RPL13: variants seen among roughly 807,000 people sequenced by gnomAD.
The protein encoded by RPL13 is large ribosomal subunit protein eL13.
Under a neutral mutation model 21.4 loss-of-function variants are expected in RPL13, and 1 was observed. The ratio of observed to expected loss-of-function variants is 0.05; its 90% CI spans 0.02 to 0.22. The LOEUF is 0.22. RPL13 is among the 10% of genes least tolerant of loss of function. RPL13 has a pLI of 1.00. For synonymous variants in RPL13, 143 were observed against 120.5 expected (o/e 1.19, Z -1.23); for missense variants, 289 against 303.0 (o/e 0.95, Z 0.34).
rs1402704059 is a variant in RPL13, at chr16:89,560,977, T to C, written c.18T>C (p.Asn6=). The change falls in exon 2 of 6, where the codon AAT becomes AAC. Residue 6 remains asparagine, a synonymous_variant. Coordinates refer to ENST00000311528, the MANE Select transcript of RPL13 (RefSeq NM_000977.4). The part of the protein sequence containing the change: MAPSR[N]GMVLKPHFHK... ...AGGCAGCCATGGCGCCCAGCCGGAATGGCATGGTCTTGAAGCCCCACTTCC... is the reference window on the plus strand; with the variant it reads ...AGGCAGCCATGGCGCCCAGCCGGAACGGCATGGTCTTGAAGCCCCACTTCC... The C allele has an allele frequency of 1.2e-6, 2 of 1,605,446 alleles. No homozygotes were observed. The highest frequency in any genetic ancestry group is 1.1e-5 in the South Asian group (1 of 90,136).
rs1049433824 is a variant in RPL13 at position 89,563,786 on chromosome 16, G to C, written c.*744G>C. 1 of 152,030 alleles carries C rather than the reference G, an allele frequency of 6.6e-6. No homozygotes were observed. Among genetic ancestry groups the C allele is most frequent in the African/African-American group, 2.4e-5 (1 of 41,320 alleles). 9.4% of individuals were successfully genotyped at this position (152,030 alleles called of 1,614,324 possible). On this transcript the variant is annotated 3_prime_UTR_variant, in exon 6 of 6. Coordinates refer to ENST00000311528, the MANE Select transcript of RPL13 (RefSeq NM_000977.4). ...TTAATGTAGCATCTTGGACTTTGGG[G>C]CGTCATTCTTAAGCTTGTTGTGCCC...
In RPL13 at chr16:89,560,946, G is replaced by A; in HGVS notation, c.-14G>A. 1 of 1,598,070 alleles carries A rather than the reference G, an allele frequency of 6.3e-7. No individual in the cohort carries two copies. The highest frequency in any genetic ancestry group is 1.4e-5 in the African/African-American group (1 of 73,314). On this transcript the variant is annotated 5_prime_UTR_variant, in exon 2 of 6. Transcript: ENST00000311528. Reference sequence around the variant, plus strand: ...GCTCCCCTCTCGTCCGCAGCCGCAGGGCCGTAGGCAGCCATGGCGCCCAGC... The same window carrying A: ...GCTCCCCTCTCGTCCGCAGCCGCAGAGCCGTAGGCAGCCATGGCGCCCAGC...
chr16:89,561,476 A>G (rs757634519), intron 3 of RPL13, 102 bp from the exon 4 acceptor site: 7 of 1,612,046 alleles, frequency 4.3e-6, no homozygotes, highest in African/African-American at 4.0e-5. Context: ...TGATGAAAGC[A>G]CATTTGAACC....
rs1039706854 is a variant in RPL13, at chr16:89,564,112, A to G, written c.*1070A>G. Reference sequence around the variant, plus strand: ...GCAGCACCTGCTCTCCTTGGCAGCTATGGCCATGACAACCCCAGAGAAGCA... The same window carrying G: ...GCAGCACCTGCTCTCCTTGGCAGCTGTGGCCATGACAACCCCAGAGAAGCA... On this transcript the variant is annotated 3_prime_UTR_variant, in exon 6 of 6. Transcript: ENST00000311528. The G allele has an allele frequency of 1.3e-5, 2 of 152,272 alleles. No homozygotes were observed. Among genetic ancestry groups the G allele is most frequent in the African/African-American group, 2.4e-5 (1 of 41,454 alleles). 9.4% of individuals were successfully genotyped at this position (152,272 alleles called of 1,614,324 possible).
At position 89,563,252 on chromosome 16, in the gene RPL13, T is replaced by C. The variant is rs764393975; in HGVS notation, c.*210T>C. 4 of 419,702 alleles carry C rather than the reference T, an allele frequency of 9.5e-6. No individual in the cohort carries two copies. Among genetic ancestry groups the C allele is most frequent in the Admixed American group, 4.7e-5 (1 of 21,444 alleles). The allele number at this position is 419,702 out of a possible 1,614,324, so 26.0% of individuals were successfully genotyped here. A position where few individuals can be genotyped will look rare whatever the true frequency, so the allele number is the denominator to read the frequency against. On this transcript the variant is annotated 3_prime_UTR_variant, in exon 6 of 6. Transcript: ENST00000311528. ...TGTTGGTTGTTTGGTTAGTGACTGA[T>C]GTAAAACGGTTTTCTTGTGGGGAGG...
intron 3 of RPL13, 46 bp downstream of exon 3, chr16:89,561,414 C>G (rs545638996): frequency 6.2e-7 from 1 of 1,612,508 alleles, no homozygotes; most frequent in African/African-American, 1.3e-5. Flanking sequence ...CCGAAGTCCC[C>G]TCTGTTGGCC....
chr16:89,561,449 G>T, intron 3 of RPL13, 81 bp downstream of exon 3: 1 of 1,612,380 alleles, frequency 6.2e-7, no homozygotes, highest in South Asian at 1.1e-5. Flanking sequence ...ACATTCTCCG[G>T]AATCGCTGTA....
Position 89,563,150 on chromosome 16 carries a change from T to A in RPL13, c.*108T>A. 9.1e-7 allele frequency: 1 copy of A among 1,104,232 alleles called. No individual in the cohort carries two copies. The highest frequency in any genetic ancestry group is 1.2e-6 in the Non-Finnish European group (1 of 825,204). The allele number at this position is 1,104,232 out of a possible 1,614,324, so 68.4% of individuals were successfully genotyped here. A position where few individuals can be genotyped will look rare whatever the true frequency, so the allele number is the denominator to read the frequency against. On this transcript the variant is annotated 3_prime_UTR_variant, in exon 6 of 6. Transcript: ENST00000311528. ...ATGGGGCTTCACTGCTGTGACTTCC[T>A]CCTGCCAGGGGATTTGGGGCTTTCT...
At chr16:89,560,815 C>A (rs2152414292) in intron 1 of RPL13, 103 bp downstream of exon 1, 1 of 591,176 alleles carries the variant, frequency 1.7e-6, no homozygotes, top group South Asian at 2.3e-5. Flanking sequence ...TCGCAGACAG[C>A]GTTCGGCCGC....
chr16:89,561,590 C>G lies in RPL13; in HGVS notation c.259C>G (p.His87Asp). The change falls in exon 4 of 6, where the codon CAC (histidine) becomes GAC (aspartate). Residue 87 changes from histidine to aspartate, a missense_variant. Physicochemically the swap from His to Asp is moderately conservative, Grantham distance 81. Coordinates refer to ENST00000311528, the MANE Select transcript of RPL13 (RefSeq NM_000977.4). ...SLEELRVAGI[H>D]KKVARTIGIS... ...GGTTCTGGGGCAGGTGGCCGGCATT[C>G]ACAAGAAGGTGGCCCGGACCATCGG... The G allele has an allele frequency of 6.2e-7, 1 of 1,613,530 alleles. No homozygotes were observed. The highest frequency in any genetic ancestry group is 2.2e-5 in the East Asian group (1 of 44,886).
Position 89,564,408 on chromosome 16 carries a change from T to C in RPL13, c.*1366T>C, listed in dbSNP as rs1300896452. 6.6e-6 allele frequency: 1 copy of C among 152,222 alleles called. No individual in the cohort carries two copies. The highest frequency in any genetic ancestry group is 2.4e-5 in the African/African-American group (1 of 41,462). The allele number at this position is 152,222 out of a possible 1,614,324, so 9.4% of individuals were successfully genotyped here. On this transcript the variant is annotated 3_prime_UTR_variant, in exon 6 of 6. Transcript: ENST00000311528. ...TCAGTTTGTATGTTTGGGACTCTTG[T>C]CCTATGTAAAGTTAAGGTGGGCCGG...
downstream of RPL13, chr16:89,565,838 A>G (rs1274718055): frequency 6.6e-6 from 1 of 152,242 alleles, no homozygotes; most frequent in Non-Finnish European, 1.5e-5. Flanking sequence ...ACCGCACCTC[A>G]GGCAAAGCGG....
At chr16:89,561,150 G>A in intron 2 of RPL13, 77 bp from the exon 3 acceptor site, 2 of 1,513,050 alleles carry the variant, frequency 1.3e-6, no homozygotes, top group Admixed American at 2.1e-5. Context: ...GGCGGGGGGC[G>A]CTGTCTGCAA....
rs1028048645 is a variant in RPL13, at chr16:89,563,645, G to A, written c.*603G>A. The A allele has an allele frequency of 2.0e-5, 3 of 152,156 alleles. No homozygotes were observed. The highest frequency in any genetic ancestry group is 4.8e-5 in the African/African-American group (2 of 41,404). The allele number at this position is 152,156 out of a possible 1,614,324, so 9.4% of individuals were successfully genotyped here. A position where few individuals can be genotyped will look rare whatever the true frequency, so the allele number is the denominator to read the frequency against. ...AGTGCCACAATCATGGCTCACTGCAGTCTTGAACTCATGGCCTCAAGCAGT... is the reference window on the plus strand; with the variant it reads ...AGTGCCACAATCATGGCTCACTGCAATCTTGAACTCATGGCCTCAAGCAGT... On this transcript the variant is annotated 3_prime_UTR_variant, in exon 6 of 6. Transcript: ENST00000311528.
Position 89,561,595 on chromosome 16 carries a change from G to C in RPL13, c.264G>C (p.Lys88Asn), listed in dbSNP as rs756818063. The C allele has an allele frequency of 6.2e-7, 1 of 1,613,490 alleles. No homozygotes were observed. Among genetic ancestry groups the C allele is most frequent in the Non-Finnish European group, 8.5e-7 (1 of 1,180,050 alleles). Residue 88 changes from lysine (K) to asparagine (N), a missense_variant, in exon 4 of 6, where the codon AAG becomes AAC. By Grantham distance (94) the Lys-to-Asn change is moderately conservative. Transcript: ENST00000311528. ...LEELRVAGIH[K>N]KVARTIGISV... ...TGGGGCAGGTGGCCGGCATTCACAA[G>C]AAGGTGGCCCGGACCATCGGCATTT...
downstream of RPL13, chr16:89,566,712 A>G (rs950224547): frequency 3.3e-5 from 5 of 152,068 alleles, no homozygotes; most frequent in African/African-American, 1.2e-4. Flanking sequence ...ACCCTGGAAG[A>G]CGAGTGTGCA....
intron 5 of RPL13, 129 bp from the exon 6 acceptor site, chr16:89,562,754 CT>C: frequency 1.1e-6 from 1 of 925,042 alleles, no homozygotes; most frequent in Non-Finnish European, 1.6e-6. Context: ...CTCAGGGTTG[CT>C]TTTCAGCAGT....
intron 3 of RPL13, 86 bp from the exon 4 acceptor site, chr16:89,561,492 C>A: frequency 6.2e-7 from 1 of 1,612,238 alleles, no homozygotes; most frequent in Non-Finnish European, 8.5e-7. Flanking sequence ...GAACCCTTTT[C>A]CATCTGATTG....
chr16:89,564,603 A>C (rs1030865627), downstream of RPL13: 10 of 152,232 alleles, frequency 6.6e-5, no homozygotes, highest in African/African-American at 2.2e-4. Context: ...GATTGCAGTG[A>C]GCCGAGCTGC....
Sources: gnomAD v4.1 joint callset for allele counts on GRCh38, gnomAD v4.1.1 for gene constraint, MANE v1.5 for transcripts, NCBI Gene and HGNC (gene_info 2026-07-23, HGNC 2026-07-21) for gene names.